The following L3MBTL4 variants were observed in gnomAD, a reference collection of about 807,000 sequenced individuals.
L3MBTL4 encodes the protein lethal(3)malignant brain tumor-like protein 4.
L3MBTL4 carries 70 observed loss-of-function variants against 84.5 expected under a neutral mutation model. The ratio of observed to expected loss-of-function variants is 0.83; its 90% confidence interval spans 0.68 to 1.01. L3MBTL4 has a LOEUF of 1.01. L3MBTL4 is among the 50% of genes least tolerant of loss of function. The pLI is 0.00. For synonymous variants in L3MBTL4, 274 were observed against 259.8 expected (o/e 1.05, Z -0.52); for missense variants, 715 against 754.8 (o/e 0.95, Z 0.62).
At chr18:6,116,742 T>G (rs1461801547) in intron 14 of L3MBTL4, among the ~76,000 whole-genome samples, 1 of 152,196 alleles carries the variant, frequency 6.6e-6, no homozygotes, top group Non-Finnish European at 1.5e-5. Flanking sequence ...TTGTTGAATA[T>G]ATCCCAAATA....
At chr18:6,293,385 T>A (rs1183581726) in intron 4 of L3MBTL4, among the ~76,000 whole-genome samples, 1 of 151,696 alleles carries the variant, frequency 6.6e-6, no homozygotes, top group Non-Finnish European at 1.5e-5. Context: ...CGAAGAATAA[T>A]AGAAACAATC....
intron 1 of L3MBTL4, among the ~76,000 whole-genome samples, chr18:6,331,987 C>T (rs1435001609): frequency 6.6e-6 from 1 of 151,610 alleles, no homozygotes; most frequent in Non-Finnish European, 1.5e-5. Flanking sequence ...AGATTAAGCA[C>T]AGTCCCTGAC....
chr18:6,067,998 T>C (rs1352858574), intron 16 of L3MBTL4, among the ~76,000 whole-genome samples: 2 of 152,228 alleles, frequency 1.3e-5, no homozygotes, highest in Admixed American at 6.5e-5. Flanking sequence ...CTTAAGGATC[T>C]GACTTTAATG....
intron 1 of L3MBTL4, among the ~76,000 whole-genome samples, chr18:6,412,532 C>G (rs2056011783): frequency 6.6e-6 from 1 of 152,072 alleles, no homozygotes; most frequent in African/African-American, 2.4e-5. Flanking sequence ...TACGCAGCCT[C>G]CTGGAAGTGG....
intron 13 of L3MBTL4, among the ~76,000 whole-genome samples, chr18:6,161,365 A>G (rs2043331382): frequency 2.6e-5 from 4 of 152,188 alleles, no homozygotes; most frequent in Admixed American, 2.6e-4. Flanking sequence ...GGGAACATTT[A>G]AGTTTTCATT....
At chr18:6,064,039 T>C (rs1263177751) in intron 16 of L3MBTL4, among the ~76,000 whole-genome samples, 2 of 152,138 alleles carry the variant, frequency 1.3e-5, no homozygotes, top group African/African-American at 4.8e-5. Context: ...TTGTATAAGG[T>C]GAAAGATGGG....
At chr18:6,268,093 A>G (rs1045727828) in intron 4 of L3MBTL4, among the ~76,000 whole-genome samples, 2 of 152,210 alleles carry the variant, frequency 1.3e-5, no homozygotes, top group African/African-American at 4.8e-5. Context: ...TGGAGCTACA[A>G]TCATGCCTTG....
At chr18:6,145,249 G>A (rs1238673493) in intron 13 of L3MBTL4, among the ~76,000 whole-genome samples, 7 of 151,984 alleles carry the variant, frequency 4.6e-5, no homozygotes, top group Non-Finnish European at 8.8e-5. Context: ...TTCCAAAATG[G>A]CCCAAATTGG....
In L3MBTL4 at chr18:5,981,819, T is replaced by A. The variant is rs192483898; in HGVS notation, c.1445-12257A>T. 8.3e-3 allele frequency among the ~76,000 whole-genome samples: 1,255 copies of A among 152,020 alleles called. 17 individuals are homozygous for A. Among genetic ancestry groups the A allele is most frequent in the African/African-American group, 0.028 (1,178 of 41,450 alleles). On this transcript the variant is annotated intron_variant, in intron 16 of 18. Coordinates refer to ENST00000317931, the MANE Select transcript of L3MBTL4 (RefSeq NM_001330559.2). ...CATCTCAAAAAAAAAATTTTTTTTT[T>A]AAAAATAAACTCCAGTTCCAAGTCA...
intron 16 of L3MBTL4, among the ~76,000 whole-genome samples, chr18:6,075,990 A>G (rs577761924): frequency 1.3e-5 from 2 of 152,228 alleles, no homozygotes; most frequent in Non-Finnish European, 2.9e-5. Flanking sequence ...ACTGACAAAT[A>G]GTAACTACTG....
chr18:6,036,936 T>C (rs934630351), intron 16 of L3MBTL4, among the ~76,000 whole-genome samples: 1 of 152,216 alleles, frequency 6.6e-6, no homozygotes, highest in African/African-American at 2.4e-5. Context: ...TTGGATGTTT[T>C]AGTCTTTAAT....
At position 6,136,009 on chromosome 18, in the gene L3MBTL4, G is replaced by A. The variant is rs572835132; in HGVS notation, c.1199+2185C>T. 2.8e-3 allele frequency among the ~76,000 whole-genome samples: 429 copies of A among 152,332 alleles called. 3 individuals are homozygous for A. The highest frequency in any genetic ancestry group is 0.01 in the African/African-American group (416 of 41,572). ...GGAAGCCTCAGAATCATGGTGGGAG[G>A]TGAAAGGCACATCTTACATGGTGGC... On this transcript the variant is annotated intron_variant, in intron 14 of 18. Transcript: ENST00000317931.
chr18:6,263,806 T>G, intron 5 of L3MBTL4, 141 bp downstream of exon 5: 1 of 715,132 alleles, frequency 1.4e-6, no homozygotes. Context: ...AAAGCTCTGA[T>G]TAGGTTTGTG....
intron 7 of L3MBTL4, among the ~76,000 whole-genome samples, chr18:6,243,042 CATA>C (rs1263476198): frequency 6.6e-6 from 1 of 152,134 alleles, no homozygotes; most frequent in Non-Finnish European, 1.5e-5. Context: ...AAAATGCTTT[CATA>C]ATATTTTATT....
At chr18:5,970,600 C>T (rs1051042723) in intron 16 of L3MBTL4, among the ~76,000 whole-genome samples, 1 of 152,138 alleles carries the variant, frequency 6.6e-6, no homozygotes, top group African/African-American at 2.4e-5. Flanking sequence ...CAAAATAAAA[C>T]TGCTGATATT....
intron 16 of L3MBTL4, chr18:6,030,226 G>T: frequency 1.1e-6 from 1 of 913,620 alleles, no homozygotes; most frequent in Non-Finnish European, 1.3e-6. Context: ...GGAGGAAACT[G>T]AAGGCTGAGG....
At chr18:6,161,187 T>C (rs945412090) in intron 13 of L3MBTL4, among the ~76,000 whole-genome samples, 1 of 152,216 alleles carries the variant, frequency 6.6e-6, no homozygotes, top group African/African-American at 2.4e-5. Flanking sequence ...AGGGACTCTA[T>C]GTCAAATAAA....
intron 16 of L3MBTL4, among the ~76,000 whole-genome samples, chr18:6,046,041 AGAT>A: frequency 6.6e-6 from 1 of 152,300 alleles, no homozygotes; most frequent in East Asian, 1.9e-4. Flanking sequence ...AGGTGGAGAA[AGAT>A]CTATCATGCA....
intron 1 of L3MBTL4, among the ~76,000 whole-genome samples, chr18:6,319,188 G>A (rs1287860855): frequency 6.6e-6 from 1 of 152,038 alleles, no homozygotes; most frequent in Non-Finnish European, 1.5e-5. Context: ...AAAGTTCACA[G>A]ACTGACAACC....
Sources: gnomAD v4.1 joint callset for allele counts (sites outside exome capture counted in the v4.1 genomes callset) on GRCh38, gnomAD v4.1.1 for gene constraint, MANE v1.5 for transcripts, NCBI Gene and HGNC (gene_info 2026-07-23, HGNC 2026-07-21) for gene names.